Variants in UBE2E2 observed in about 807,000 individuals in gnomAD.
The protein encoded by UBE2E2 is ubiquitin conjugating enzyme E2 E2.
Under a neutral mutation model 24.7 loss-of-function variants are expected in UBE2E2, and 6 were observed. The ratio of observed to expected loss-of-function variants is 0.24; its 90% CI spans 0.13 to 0.48. The LOEUF is 0.48. UBE2E2 is among the 20% of genes least tolerant of loss of function. The pLI is 0.99. For synonymous variants in UBE2E2, 104 were observed against 83.6 expected (o/e 1.24, Z -1.33); for missense variants, 169 against 245.0 (o/e 0.69, Z 2.07).
intron 3 of UBE2E2, among the ~76,000 whole-genome samples, chr3:23,459,064 G>A (rs1440549903): frequency 6.6e-6 from 1 of 152,064 alleles, no homozygotes; most frequent in Admixed American, 6.6e-5. Flanking sequence ...CTCCATTTGT[G>A]TTCAATTTTC....
intron 3 of UBE2E2, among the ~76,000 whole-genome samples, chr3:23,294,558 TATTTTTATCTTTAG>T (rs1698856619): frequency 1.5e-5 from 1 of 67,148 alleles, no homozygotes; most frequent in Non-Finnish European, 3.3e-5. Context: ...TGTATCTTTT[TATTTTTATCTTTAG>T]ATTTTTATCT....
rs1364536768 is a variant in UBE2E2, at chr3:23,219,242, TC to T, written c.227+1933del. The stretch of plus-strand genomic sequence containing the variant: ...AAGGTTATTTACCTTCGTATGGCAC[TC>T]CCTTTGGCAAGCAAAGGGTCCTCTG... On this transcript the variant is annotated intron_variant, in intron 3 of 5. Coordinates refer to ENST00000396703, the MANE Select transcript of UBE2E2 (RefSeq NM_152653.4). Among the ~76,000 whole-genome samples the T allele has an allele frequency of 2.0e-5, 3 of 152,148 alleles. No individual in the cohort carries two copies. The East Asian group carries it at 5.8e-4, about 29-fold the overall frequency.
At chr3:23,377,342 C>G (rs1696549144) in intron 3 of UBE2E2, among the ~76,000 whole-genome samples, 1 of 152,186 alleles carries the variant, frequency 6.6e-6, no homozygotes, top group Admixed American at 6.5e-5. Context: ...TGTGACTTGG[C>G]TCACTGTAAT....
chr3:23,571,330 G>T (rs1463342115), intron 5 of UBE2E2, among the ~76,000 whole-genome samples: 1 of 59,882 alleles, frequency 1.7e-5, no homozygotes, highest in African/African-American at 5.0e-5. Flanking sequence ...CGCTCTGTCA[G>T]ATAGGCTAGA....
At chr3:23,451,076 CTGTAAATCTGCAACTAT>C (rs1347745046) in intron 3 of UBE2E2, among the ~76,000 whole-genome samples, 11 of 152,142 alleles carry the variant, frequency 7.2e-5, no homozygotes, top group African/African-American at 2.7e-4. Context: ...TGCAATTTTT[CTGTAAATCTGCAACTAT>C]TGTAAAACTT....
At chr3:23,570,353 C>G (rs1008396941) in intron 5 of UBE2E2, among the ~76,000 whole-genome samples, 6 of 152,142 alleles carry the variant, frequency 3.9e-5, no homozygotes, top group Admixed American at 3.9e-4. Context: ...CTGCCCAGTT[C>G]CCTGATGTTG....
At chr3:23,302,333 T>C (rs537160202) in intron 3 of UBE2E2, among the ~76,000 whole-genome samples, 5 of 152,358 alleles carry the variant, frequency 3.3e-5, no homozygotes, top group East Asian at 1.9e-4. Context: ...CACTGTGAAA[T>C]AGTTATTACT....
At chr3:23,285,327 T>C (rs1698592292) in intron 3 of UBE2E2, among the ~76,000 whole-genome samples, 1 of 152,236 alleles carries the variant, frequency 6.6e-6, no homozygotes, top group Admixed American at 6.5e-5. Flanking sequence ...TGAATAGTGC[T>C]GCAATAAACG....
chr3:23,459,797 G>A (rs1470039976), intron 3 of UBE2E2, among the ~76,000 whole-genome samples: 1 of 152,122 alleles, frequency 6.6e-6, no homozygotes, highest in Non-Finnish European at 1.5e-5. Context: ...TCTGTGATCT[G>A]TAAAATCGCA....
intron 5 of UBE2E2, among the ~76,000 whole-genome samples, chr3:23,565,471 T>C (rs903291830): frequency 7.4e-5 from 9 of 121,960 alleles, no homozygotes; most frequent in East Asian, 2.9e-4. Context: ...TTTTTTTTTT[T>C]CAGTGAAAGA....
At chr3:23,416,782 G>A (rs1036201996) in intron 3 of UBE2E2, among the ~76,000 whole-genome samples, 2 of 151,926 alleles carry the variant, frequency 1.3e-5, no homozygotes, top group South Asian at 2.1e-4. Context: ...TTGTCTTCAC[G>A]CTTTATTTCA....
At chr3:23,438,542 C>T (rs574853787) in intron 3 of UBE2E2, among the ~76,000 whole-genome samples, 16 of 152,112 alleles carry the variant, frequency 1.1e-4, no homozygotes, top group Admixed American at 2.0e-4. Flanking sequence ...AGTAGTTGTA[C>T]GGTTTTTGAG....
chr3:23,535,410 G>A (rs1299050681), intron 5 of UBE2E2, among the ~76,000 whole-genome samples: 1 of 152,090 alleles, frequency 6.6e-6, no homozygotes, highest in Non-Finnish European at 1.5e-5. Context: ...CCTCAACATT[G>A]ACACTTGGAT....
chr3:23,303,115 A>G (rs1456161366), intron 3 of UBE2E2, among the ~76,000 whole-genome samples: 5 of 151,958 alleles, frequency 3.3e-5, no homozygotes, highest in Admixed American at 6.6e-5. Flanking sequence ...CGCAAACTTT[A>G]TTGTGAACTG....
intron 2 of UBE2E2, among the ~76,000 whole-genome samples, chr3:23,210,578 C>T (rs746817825): frequency 2.6e-5 from 4 of 152,136 alleles, no homozygotes; most frequent in Non-Finnish European, 4.4e-5. Flanking sequence ...ACGGATTATT[C>T]AAACCTAATG....
At chr3:23,323,959 T>A (rs758986198) in intron 3 of UBE2E2, among the ~76,000 whole-genome samples, 29 of 152,284 alleles carry the variant, frequency 1.9e-4, no homozygotes, top group Middle Eastern at 3.4e-3. Flanking sequence ...GAATTAACCA[T>A]AATGGAGCTC....
intron 3 of UBE2E2, among the ~76,000 whole-genome samples, chr3:23,386,165 G>A (rs929879594): frequency 2.0e-5 from 3 of 152,114 alleles, no homozygotes; most frequent in African/African-American, 7.2e-5. Flanking sequence ...ACCATAAACT[G>A]GGTGGCTTAT....
chr3:23,233,203 A>G (rs1697016112), intron 3 of UBE2E2, among the ~76,000 whole-genome samples: 1 of 152,186 alleles, frequency 6.6e-6, no homozygotes, highest in African/African-American at 2.4e-5. Flanking sequence ...TAAGAGTTTG[A>G]GAATCAGGCT....
intron 5 of UBE2E2, among the ~76,000 whole-genome samples, chr3:23,542,762 C>T (rs1339533305): frequency 6.6e-6 from 1 of 152,074 alleles, no homozygotes; most frequent in Non-Finnish European, 1.5e-5. Flanking sequence ...GCTCTTTGCT[C>T]TGGGAACTCA....
Sources: allele counts gnomAD v4.1 joint callset (sites outside exome capture counted in the v4.1 genomes callset), GRCh38; gene constraint gnomAD v4.1.1; transcripts MANE v1.5; gene names NCBI Gene and HGNC (gene_info 2026-07-23, HGNC 2026-07-21).